EEPD1: variants seen among roughly 807,000 people sequenced by gnomAD.
The protein encoded by EEPD1 is endonuclease/exonuclease/phosphatase family domain-containing protein 1.
In EEPD1, 17 loss-of-function variants were observed where a neutral mutation model predicts 46.3. That is an observed-to-expected ratio of 0.37 (90% CI 0.25 to 0.55). The LOEUF is 0.55. Among genes scored for constraint, EEPD1 ranks in the 20% least tolerant of loss-of-function variants. The pLI, the probability that EEPD1 is intolerant of heterozygous loss-of-function variation, is 0.83. For missense variants in EEPD1, 673 were observed against 745.6 expected, an observed-to-expected ratio of 0.90 and a Z score of 1.13; for synonymous variants, 313 against 315.6, an observed-to-expected ratio of 0.99 and a Z score of 0.09.
At chr7:36,296,540 G>A (rs758427324) in intron 6 of EEPD1, among the ~76,000 whole-genome samples, 5 of 152,100 alleles carry the variant, frequency 3.3e-5, no homozygotes, top group Non-Finnish European at 7.4e-5. Context: ...TTCAGTATGT[G>A]TGTTTGTTTT....
rs201560363 is a variant in EEPD1 at position 36,299,201 on chromosome 7, C to A, written c.1705C>A (p.Arg569=). ...AAGTGAAGCCAACATCAAGCACGAG[C>A]GATGATGACACCAAATCCATGTGTC... is the stretch of plus-strand genomic sequence containing the variant. ...ERSEANIKHE[R] is the part of the protein sequence containing the mutation. The change falls in exon 8 of 8, where the codon CGA becomes AGA. Residue 569 remains arginine, a synonymous_variant. Transcript: ENST00000242108. 7 of 1,613,514 alleles carry A rather than the reference C, an allele frequency of 4.3e-6. No homozygotes were observed. Among genetic ancestry groups the A allele is most frequent in the Non-Finnish European group, 5.9e-6 (7 of 1,179,734 alleles).
Position 36,154,899 on chromosome 7 carries a change from G to C in EEPD1, c.575G>C (p.Arg192Pro). The C allele has an allele frequency of 6.2e-7, 1 of 1,614,082 alleles. No individual in the cohort carries two copies. Among genetic ancestry groups the C allele is most frequent in the Non-Finnish European group, 8.5e-7 (1 of 1,180,032 alleles). Residue 192 changes from arginine (R) to proline (P), a missense_variant, in exon 2 of 8, where the codon CGG becomes CCG. Transcript: ENST00000242108. This position sits in a 1 kb window ranked among gnomAD's most constrained non-coding sequence, Gnocchi z 4.2. ...GINAAFLDRI[R>P]HQVFAERSRP... ...AATGCCGCCTTCCTGGACAGGATCC[G>C]GCACCAGGTGTTTGCTGAGAGGTCC...
At position 36,299,143 on chromosome 7, in the gene EEPD1, C is replaced by T. The variant is rs1473197132; in HGVS notation, c.1647C>T (p.Ala549=). 17 of 1,611,536 alleles carry T rather than the reference C, an allele frequency of 1.1e-5. No homozygotes were observed. Among genetic ancestry groups the T allele is most frequent in the Non-Finnish European group, 1.4e-5 (16 of 1,177,984 alleles). ...YTEKDWSKKD[A]PRNGSGVALE... is the part of the protein sequence containing the mutation. ...AAAAGGACTGGAGCAAGAAGGATGC[C>T]CCTCGGAACGGCAGCGGGGTGGCCT... is the stretch of plus-strand genomic sequence containing the variant. The change falls in exon 8 of 8, where the codon GCC becomes GCT. Residue 549 remains alanine (A), a synonymous_variant. Coordinates refer to ENST00000242108, the MANE Select transcript of EEPD1 (RefSeq NM_030636.3).
At chr7:36,277,402 C>T (rs570565461) in intron 3 of EEPD1, among the ~76,000 whole-genome samples, 13 of 152,314 alleles carry the variant, frequency 8.5e-5, no homozygotes, top group Admixed American at 8.5e-4. Context: ...TGCCTTGGTA[C>T]AGGTCAACAG....
chr7:36,167,289 G>A (rs1264516014), intron 2 of EEPD1, among the ~76,000 whole-genome samples: 1 of 152,208 alleles, frequency 6.6e-6, no homozygotes, highest in Non-Finnish European at 1.5e-5. Context: ...TTACCCAGGG[G>A]TTTCCTTCTG....
intron 2 of EEPD1, among the ~76,000 whole-genome samples, chr7:36,198,542 C>T (rs1008330113): frequency 6.6e-6 from 1 of 151,552 alleles, no homozygotes; most frequent in Non-Finnish European, 1.5e-5. Flanking sequence ...TTTTATTTGT[C>T]AATTAATAAA....
intron 3 of EEPD1, among the ~76,000 whole-genome samples, chr7:36,255,089 C>T (rs902611627): frequency 6.6e-6 from 1 of 152,112 alleles, no homozygotes; most frequent in Non-Finnish European, 1.5e-5. Flanking sequence ...CTGTAGGTTG[C>T]CTGTTCACTC....
chr7:36,260,557 T>C (rs914168656), intron 3 of EEPD1, among the ~76,000 whole-genome samples: 34 of 152,262 alleles, frequency 2.2e-4, no homozygotes, highest in Admixed American at 4.6e-4. Context: ...CTGCACTGGC[T>C]TTGGTGACAG....
intron 2 of EEPD1, among the ~76,000 whole-genome samples, chr7:36,175,954 G>A (rs1289002226): frequency 6.6e-6 from 1 of 152,248 alleles, no homozygotes; most frequent in Non-Finnish European, 1.5e-5. Context: ...TGATGACTCT[G>A]TGTGGCCTCT....
Position 36,225,906 on chromosome 7 carries a change from C to T in EEPD1, c.879-13079C>T, listed in dbSNP as rs1417641975. ...ATGTGCAGGGGCTTAGGGAAGTATACAAACATGCTCCTTTCTTTAAAATTC... is the reference window on the plus strand; with the variant it reads ...ATGTGCAGGGGCTTAGGGAAGTATATAAACATGCTCCTTTCTTTAAAATTC... On this transcript the variant is annotated intron_variant, in intron 2 of 7. Transcript: ENST00000242108. The surrounding 1 kb of genome is among the most constrained non-coding windows in gnomAD (Gnocchi z 4.2). Among the ~76,000 whole-genome samples the T allele has an allele frequency of 6.6e-6, 1 of 152,202 alleles. No individual in the cohort carries two copies. Among genetic ancestry groups the T allele is most frequent in the Non-Finnish European group, 1.5e-5 (1 of 68,030 alleles).
At chr7:36,231,742 T>C (rs1001921794) in intron 2 of EEPD1, among the ~76,000 whole-genome samples, 9 of 152,142 alleles carry the variant, frequency 5.9e-5, no homozygotes, top group Non-Finnish European at 2.9e-5. Context: ...AGAGGCAGAA[T>C]TGAAAATATG....
Position 36,220,612 on chromosome 7 carries a change from C to T in EEPD1, c.879-18373C>T, listed in dbSNP as rs115238085. Among the ~76,000 whole-genome samples the T allele has an allele frequency of 9.8e-3, 1,498 of 152,218 alleles. 18 individuals carry two copies. The highest frequency in any genetic ancestry group is 0.034 in the African/African-American group (1,408 of 41,518). ...TTTGCTCTTTCTATTCATTTGGCCC[C>T]GTTGTCCTCATCTCTAGAGCAGAGC... On this transcript the variant is annotated intron_variant, in intron 2 of 7. Coordinates refer to ENST00000242108, the MANE Select transcript of EEPD1 (RefSeq NM_030636.3).
intron 3 of EEPD1, among the ~76,000 whole-genome samples, chr7:36,246,647 A>G (rs953010127): frequency 2.0e-5 from 3 of 151,938 alleles, no homozygotes; most frequent in African/African-American, 7.3e-5. Context: ...CTTTTGCCAA[A>G]TTGTCTAGGA....
chr7:36,268,696 C>A (rs1787060096), intron 3 of EEPD1, among the ~76,000 whole-genome samples: 1 of 152,170 alleles, frequency 6.6e-6, no homozygotes, highest in South Asian at 2.1e-4. Context: ...ATCTGTCTCT[C>A]TGTAGTCTAG....
chr7:36,270,477 C>G (rs1031667111), intron 3 of EEPD1, among the ~76,000 whole-genome samples: 4 of 152,126 alleles, frequency 2.6e-5, no homozygotes, highest in Non-Finnish European at 4.4e-5. Flanking sequence ...CCCCAACAGG[C>G]CCCAGTGTGT....
chr7:36,165,769 T>C (rs1232280192), intron 2 of EEPD1, among the ~76,000 whole-genome samples: 2 of 151,974 alleles, frequency 1.3e-5, no homozygotes, highest in African/African-American at 4.8e-5. Context: ...ATACTCCCAT[T>C]GTTAAACGGT....
chr7:36,232,454 T>A (rs1343793924), intron 2 of EEPD1, among the ~76,000 whole-genome samples: 1 of 151,918 alleles, frequency 6.6e-6, no homozygotes, highest in Non-Finnish European at 1.5e-5. Context: ...TCCACCCGCC[T>A]CGGCCTCCTG....
intron 3 of EEPD1, among the ~76,000 whole-genome samples, chr7:36,260,065 A>G (rs1322653656): frequency 6.6e-6 from 1 of 152,210 alleles, no homozygotes; most frequent in East Asian, 1.9e-4. Flanking sequence ...AGTCATATAC[A>G]TATTGTTTTA....
intron 2 of EEPD1, among the ~76,000 whole-genome samples, chr7:36,227,838 C>T (rs1484215368): frequency 1.3e-5 from 2 of 152,192 alleles, no homozygotes; most frequent in African/African-American, 2.4e-5. Flanking sequence ...CAGGCACATG[C>T]CACCATGCCC....
Sources: gnomAD v4.1 joint callset for allele counts (sites outside exome capture counted in the v4.1 genomes callset) on GRCh38, gnomAD v4.1.1 for gene constraint, Gnocchi (gnomAD v3.1) non-coding constraint, MANE v1.5 for transcripts, NCBI Gene and HGNC (gene_info 2026-07-23, HGNC 2026-07-21) for gene names.